DAB1: variants seen among roughly 807,000 people sequenced by gnomAD.
The protein encoded by DAB1 is DAB adaptor protein 1.
A neutral mutation model predicts 64.6 loss-of-function variants in DAB1; 15 were observed. The ratio of observed to expected loss-of-function variants is 0.23; its 90% CI spans 0.16 to 0.36. The LOEUF (loss-of-function observed/expected upper bound fraction) is 0.36. DAB1 is among the 10% of genes least tolerant of loss of function. DAB1 has a pLI of 1.00. For synonymous variants in DAB1, 235 were observed against 251.9 expected (o/e 0.93, Z 0.64); for missense variants, 596 against 706.7 (o/e 0.84, Z 1.78).
chr1:58,410,821 C>T (rs2100571757), intron 3 of DAB1, among the ~76,000 whole-genome samples: 1 of 152,290 alleles, frequency 6.6e-6, no homozygotes, highest in Admixed American at 6.5e-5. Context: ...TGTCCTCCTT[C>T]CCAATCCCAT....
intron 5 of DAB1, among the ~76,000 whole-genome samples, chr1:58,064,308 G>A (rs771437610): frequency 6.6e-5 from 10 of 152,348 alleles, no homozygotes; most frequent in South Asian, 2.1e-4. Flanking sequence ...TTTAGAGGCT[G>A]CAGTGTGCCA....
chr1:57,670,079 A>G (rs1375341954), intron 6 of DAB1, among the ~76,000 whole-genome samples: 2 of 152,172 alleles, frequency 1.3e-5, no homozygotes, highest in African/African-American at 4.8e-5. Context: ...GTTCAGCTCC[A>G]CTGAAATTAT....
At chr1:58,256,032 G>A (rs12035886) in intron 4 of DAB1, among the ~76,000 whole-genome samples, 2,700 of 152,228 alleles carry the variant, frequency 0.018, 38 homozygotes, top group East Asian at 0.041. Flanking sequence ...TTTCTGCAGC[G>A]CCTGTGGCCA....
At chr1:57,638,312 A>T (rs919725725) in intron 7 of DAB1, among the ~76,000 whole-genome samples, 1 of 152,248 alleles carries the variant, frequency 6.6e-6, no homozygotes, top group Non-Finnish European at 1.5e-5. Context: ...TATTAGAGTT[A>T]AATGAGGAGA....
intron 4 of DAB1, among the ~76,000 whole-genome samples, chr1:57,089,352 A>G (rs1653409103): frequency 6.6e-6 from 1 of 152,144 alleles, no homozygotes; most frequent in African/African-American, 2.4e-5. Flanking sequence ...ATAAAGAAAT[A>G]CCTGAGACTG....
intron 3 of DAB1, among the ~76,000 whole-genome samples, chr1:58,493,051 C>T (rs1207821255): frequency 5.9e-5 from 9 of 152,138 alleles, no homozygotes; most frequent in Non-Finnish European, 1.2e-4. Flanking sequence ...AGCAGCACAT[C>T]GAAAAGCTTA....
At chr1:57,538,963 T>C (rs972461125) in intron 7 of DAB1, among the ~76,000 whole-genome samples, 1 of 152,212 alleles carries the variant, frequency 6.6e-6, no homozygotes, top group Non-Finnish European at 1.5e-5. Flanking sequence ...GGCAAAATGC[T>C]AAGAACTTGC....
intron 4 of DAB1, among the ~76,000 whole-genome samples, chr1:57,075,136 T>G (rs942746769): frequency 6.6e-6 from 1 of 152,194 alleles, no homozygotes; most frequent in African/African-American, 2.4e-5. Context: ...CAGTGCCTTA[T>G]TGATTGCCAA....
intron 2 of DAB1, among the ~76,000 whole-genome samples, chr1:57,212,913 C>T (rs1044470622): frequency 2.0e-5 from 3 of 152,134 alleles, no homozygotes; most frequent in Non-Finnish European, 2.9e-5. Flanking sequence ...CTGTAAGGTA[C>T]AGAAAAGGCA....
At chr1:57,464,302 C>T (rs1009716077) in intron 7 of DAB1, among the ~76,000 whole-genome samples, 6 of 152,098 alleles carry the variant, frequency 3.9e-5, no homozygotes, top group Non-Finnish European at 7.4e-5. Context: ...GCTTAGAAAA[C>T]GATGCCTCCT....
chr1:58,074,850 T>G (rs1164352681), intron 5 of DAB1, among the ~76,000 whole-genome samples: 1 of 152,036 alleles, frequency 6.6e-6, no homozygotes, highest in African/African-American at 2.4e-5. Flanking sequence ...TTTCCTGAAC[T>G]TCTAGTCAGC....
intron 2 of DAB1, among the ~76,000 whole-genome samples, chr1:57,145,765 A>G (rs181333242): frequency 3.9e-5 from 6 of 152,336 alleles, no homozygotes; most frequent in Admixed American, 3.3e-4. Flanking sequence ...GAGATATTCA[A>G]CAAATGATCA....
chr1:58,426,225 C>G (rs930177361), intron 3 of DAB1, among the ~76,000 whole-genome samples: 2 of 152,132 alleles, frequency 1.3e-5, no homozygotes, highest in South Asian at 2.1e-4. Context: ...TGGACTCAGA[C>G]AGTTTCTTGA....
intron 5 of DAB1, among the ~76,000 whole-genome samples, chr1:58,019,294 C>G (rs779078741): frequency 6.6e-6 from 1 of 152,096 alleles, no homozygotes; most frequent in Non-Finnish European, 1.5e-5. Flanking sequence ...CTGGAACAAA[C>G]GCTATGACTT....
intron 7 of DAB1, among the ~76,000 whole-genome samples, chr1:57,570,977 G>A (rs1645187335): frequency 6.6e-6 from 1 of 152,120 alleles, no homozygotes; most frequent in Admixed American, 6.5e-5. Flanking sequence ...TTATAAATTG[G>A]GTTGAGTTCT....
At chr1:57,324,101 G>A (rs1471055570) in intron 1 of DAB1, among the ~76,000 whole-genome samples, 2 of 152,210 alleles carry the variant, frequency 1.3e-5, no homozygotes, top group African/African-American at 4.8e-5. Flanking sequence ...CCTGGTTAAT[G>A]TGAGACAATT....
chr1:57,216,193 G>T (rs1237646736), intron 2 of DAB1, among the ~76,000 whole-genome samples: 1 of 151,806 alleles, frequency 6.6e-6, no homozygotes, highest in Non-Finnish European at 1.5e-5. Context: ...CAGTTTATTA[G>T]CTGTGTAGCC....
intron 4 of DAB1, among the ~76,000 whole-genome samples, chr1:58,207,640 G>A (rs1658349134): frequency 6.6e-6 from 1 of 152,202 alleles, no homozygotes; most frequent in Non-Finnish European, 1.5e-5. Context: ...AATCCCCTCA[G>A]TGCTGGACAA....
At chr1:57,534,387 G>A (rs938864624) in intron 7 of DAB1, among the ~76,000 whole-genome samples, 3 of 152,168 alleles carry the variant, frequency 2.0e-5, no homozygotes, top group Admixed American at 2.0e-4. Flanking sequence ...TCACTCTCAA[G>A]GTGGATTAAA....
Sources: gnomAD v4.1 joint callset for allele counts (sites outside exome capture counted in the v4.1 genomes callset) on GRCh38, gnomAD v4.1.1 for gene constraint, MANE v1.5 for transcripts, NCBI Gene and HGNC (gene_info 2026-07-23, HGNC 2026-07-21) for gene names.